CAMTA1: variants seen among roughly 807,000 people sequenced by gnomAD.
CAMTA1 encodes the protein calmodulin-binding transcription activator 1.
Under a neutral mutation model 170.9 loss-of-function variants are expected in CAMTA1, and 27 were observed. The observed-to-expected ratio is 0.16, with a 90% CI of 0.12 to 0.22. CAMTA1 has a LOEUF of 0.22. CAMTA1 is among the 10% of genes least tolerant of loss of function. The pLI is 1.00. For missense variants in CAMTA1, 1,619 were observed against 2,217.2 expected (o/e 0.73, Z 5.42); for synonymous variants, 833 against 891.5 (o/e 0.93, Z 1.17).
intron 1 of CAMTA1, among the ~76,000 whole-genome samples, chr1:6,795,756 C>G (rs1233607542): frequency 6.6e-6 from 1 of 152,150 alleles, no homozygotes; most frequent in Non-Finnish European, 1.5e-5. Context: ...CTGCTGGGAA[C>G]TGAACTATGA....
intron 6 of CAMTA1, among the ~76,000 whole-genome samples, chr1:7,638,909 G>C (rs72867176): frequency 3.3e-5 from 5 of 152,166 alleles, no homozygotes; most frequent in African/African-American, 1.2e-4. Context: ...GGCAGAAAGC[G>C]ACAGAGGACA....
At chr1:6,857,210 G>A (rs186579819) in intron 3 of CAMTA1, among the ~76,000 whole-genome samples, 1 of 152,272 alleles carries the variant, frequency 6.6e-6, no homozygotes, top group East Asian at 1.9e-4. Context: ...CCCAGCAGTG[G>A]AGCTGGAGAT....
intron 5 of CAMTA1, among the ~76,000 whole-genome samples, chr1:7,362,546 T>C (rs993192823): frequency 6.6e-6 from 1 of 151,824 alleles, no homozygotes; most frequent in Non-Finnish European, 1.5e-5. Flanking sequence ...GATGGTGACC[T>C]TGGATAGAGT....
intron 5 of CAMTA1, among the ~76,000 whole-genome samples, chr1:7,267,956 A>G (rs1365992911): frequency 3.9e-5 from 6 of 152,180 alleles, no homozygotes; most frequent in African/African-American, 9.7e-5. Flanking sequence ...GAGGCTTCCA[A>G]TGGCCATGGC....
chr1:7,678,554 C>T (rs1179607678), intron 11 of CAMTA1, among the ~76,000 whole-genome samples: 3 of 152,138 alleles, frequency 2.0e-5, no homozygotes, highest in African/African-American at 7.2e-5. Context: ...GCTGGGGACG[C>T]CAGAGCCAGA....
intron 5 of CAMTA1, among the ~76,000 whole-genome samples, chr1:7,440,824 G>A (rs1303224997): frequency 1.3e-5 from 2 of 152,222 alleles, no homozygotes; most frequent in Non-Finnish European, 2.9e-5. Context: ...TTAGCCGATG[G>A]CGATGGTTTG....
intron 6 of CAMTA1, among the ~76,000 whole-genome samples, chr1:7,612,074 C>A (rs1367139544): frequency 6.6e-6 from 1 of 152,238 alleles, no homozygotes; most frequent in East Asian, 1.9e-4. Context: ...TGGCAGTTGC[C>A]ATCCACGGAC....
rs1706226255 is a variant in CAMTA1, at chr1:7,050,832, A to C, written c.235-40472A>C. 6.6e-6 allele frequency among the ~76,000 whole-genome samples: 1 copy of C among 152,094 alleles called. No homozygotes were observed. Among genetic ancestry groups the C allele is most frequent in the South Asian group, 2.1e-4 (1 of 4,826 alleles). ...AGAAGAGGGGACTCTGGGAAGGAGAAATGGGAACATCACACTGGGGTATTT... is the reference window on the plus strand; with the variant it reads ...AGAAGAGGGGACTCTGGGAAGGAGACATGGGAACATCACACTGGGGTATTT... On this transcript the variant is annotated intron_variant, in intron 3 of 22. Coordinates refer to ENST00000303635, the MANE Select transcript of CAMTA1 (RefSeq NM_015215.4). This position sits in a 1 kb window ranked among gnomAD's most constrained non-coding sequence, Gnocchi z 4.8.
At chr1:7,259,283 C>A (rs1277180326) in intron 5 of CAMTA1, among the ~76,000 whole-genome samples, 1 of 152,180 alleles carries the variant, frequency 6.6e-6, no homozygotes, top group Admixed American at 6.5e-5. Flanking sequence ...CTTCCACGTC[C>A]TCCTTGCACT....
intron 4 of CAMTA1, among the ~76,000 whole-genome samples, chr1:7,148,431 C>T (rs892661213): frequency 6.6e-6 from 1 of 152,206 alleles, no homozygotes; most frequent in South Asian, 2.1e-4. Context: ...CCCCTCCCCC[C>T]CCGCCACGCT....
chr1:7,395,982 T>C (rs2089275627), intron 5 of CAMTA1, among the ~76,000 whole-genome samples: 1 of 152,212 alleles, frequency 6.6e-6, no homozygotes, highest in South Asian at 2.1e-4. Context: ...TTTAGGGTTT[T>C]CTTTATATAA....
chr1:7,449,309 C>T (rs558814097), intron 5 of CAMTA1, among the ~76,000 whole-genome samples: 14 of 152,342 alleles, frequency 9.2e-5, no homozygotes, highest in African/African-American at 3.1e-4. Flanking sequence ...ATTTTTCTGA[C>T]ACGAGGTCTC....
chr1:7,605,910 G>A (rs532794853), intron 6 of CAMTA1, among the ~76,000 whole-genome samples: 1 of 152,340 alleles, frequency 6.6e-6, no homozygotes, highest in South Asian at 2.1e-4. Context: ...GCCTAGTCAA[G>A]CTGACACATC....
chr1:7,100,537 C>G (rs1244052041), intron 4 of CAMTA1, among the ~76,000 whole-genome samples: 1 of 152,198 alleles, frequency 6.6e-6, no homozygotes, highest in Non-Finnish European at 1.5e-5. Flanking sequence ...CTTTTTCAGT[C>G]TGCAGAAAGA....
intron 6 of CAMTA1, among the ~76,000 whole-genome samples, chr1:7,627,256 C>T (rs1299516826): frequency 1.3e-5 from 2 of 152,192 alleles, no homozygotes; most frequent in African/African-American, 4.8e-5. Flanking sequence ...GATCATGATG[C>T]TTCCTCGATG....
chr1:6,804,463 C>G (rs561886964), intron 1 of CAMTA1, among the ~76,000 whole-genome samples: 1 of 152,190 alleles, frequency 6.6e-6, no homozygotes. Context: ...ATTTTCATCA[C>G]TCCAAAAAGA....
chr1:7,112,016 T>C (rs928788735), intron 4 of CAMTA1, among the ~76,000 whole-genome samples: 1 of 152,072 alleles, frequency 6.6e-6, no homozygotes, highest in African/African-American at 2.4e-5. Context: ...TCACTATGGC[T>C]GTCACGTATC....
intron 11 of CAMTA1, among the ~76,000 whole-genome samples, chr1:7,692,443 C>T (rs1315614341): frequency 6.6e-6 from 1 of 152,244 alleles, no homozygotes; most frequent in East Asian, 1.9e-4. Context: ...TGCATGGACC[C>T]TGGAGGAGAG....
At chr1:7,257,310 C>T (rs1487240811) in intron 5 of CAMTA1, among the ~76,000 whole-genome samples, 2 of 152,198 alleles carry the variant, frequency 1.3e-5, no homozygotes, top group South Asian at 2.1e-4. Flanking sequence ...ATCCTCATTT[C>T]ATCCACGGTC....
Sources: allele counts gnomAD v4.1 joint callset (sites outside exome capture counted in the v4.1 genomes callset), GRCh38; gene constraint gnomAD v4.1.1; non-coding constraint Gnocchi (gnomAD v3.1); transcripts MANE v1.5; gene names NCBI Gene and HGNC (gene_info 2026-07-23, HGNC 2026-07-21).